The following TAFA1 variants were observed in gnomAD, a reference collection of about 807,000 sequenced individuals.
TAFA1 encodes TAFA chemokine like family member 1.
Under a neutral mutation model 18.5 loss-of-function variants are expected in TAFA1, and 4 were observed. That is an observed-to-expected ratio of 0.22 (90% CI 0.11 to 0.49). The LOEUF (loss-of-function observed/expected upper bound fraction) is 0.49, where lower values mean the gene tolerates loss of function less well. Ranked by LOEUF, TAFA1 falls within the 20% of genes least tolerant of loss-of-function variation. The pLI is 0.98. For missense variants in TAFA1, 147 were observed against 169.0 expected, an observed-to-expected ratio of 0.87 and a Z score of 0.72; for synonymous variants, 56 against 55.2, an observed-to-expected ratio of 1.01 and a Z score of -0.06.
At chr3:68,074,273 A>G (rs1008093440) in intron 2 of TAFA1, among the ~76,000 whole-genome samples, 23 of 152,090 alleles carry the variant, frequency 1.5e-4, no homozygotes, top group African/African-American at 5.3e-4. Flanking sequence ...ATGAAAATTC[A>G]CTTGCTCACC....
chr3:68,297,437 GA>G (rs1441956972), intron 2 of TAFA1, among the ~76,000 whole-genome samples: 2 of 152,126 alleles, frequency 1.3e-5, no homozygotes, highest in African/African-American at 2.4e-5. Flanking sequence ...CAAATTTGAT[GA>G]CAGAGACACC....
chr3:68,509,759 A>G (rs1379590528), intron 3 of TAFA1, among the ~76,000 whole-genome samples: 1 of 152,104 alleles, frequency 6.6e-6, no homozygotes, highest in African/African-American at 2.4e-5. Context: ...GTTTGGAGAG[A>G]ATTACACAAG....
intron 2 of TAFA1, among the ~76,000 whole-genome samples, chr3:68,372,364 G>T (rs1241724833): frequency 6.6e-6 from 1 of 152,130 alleles, no homozygotes; most frequent in Non-Finnish European, 1.5e-5. Context: ...GTACACGCAA[G>T]TAAAGACAAG....
At chr3:68,477,414 G>T (rs150744481) in intron 3 of TAFA1, among the ~76,000 whole-genome samples, 11 of 152,010 alleles carry the variant, frequency 7.2e-5, no homozygotes, top group Admixed American at 2.6e-4. Context: ...TGCTTTTGTC[G>T]CCCAGGCTGG....
intron 3 of TAFA1, among the ~76,000 whole-genome samples, chr3:68,483,995 C>T (rs768930756): frequency 6.6e-6 from 1 of 152,176 alleles, no homozygotes; most frequent in Non-Finnish European, 1.5e-5. Flanking sequence ...TAACACTGTC[C>T]AATGACAATA....
At chr3:68,011,697 A>C (rs1180079458) in intron 2 of TAFA1, among the ~76,000 whole-genome samples, 2 of 152,198 alleles carry the variant, frequency 1.3e-5, no homozygotes, top group African/African-American at 4.8e-5. Flanking sequence ...TACCAGTGCT[A>C]GGCTGCTAAA....
chr3:68,415,487 A>G lies in TAFA1; in HGVS notation c.119-1793A>G, dbSNP rs147879628. On this transcript the variant is annotated intron_variant, in intron 2 of 4. Transcript: ENST00000478136. ...TAACTGGCAAAATCATTTGTGTTGG[A>G]GTGAGGAGGTTGGAGGGATGGGAGG... Among the ~76,000 whole-genome samples, 394 of 152,250 alleles carry G rather than the reference A, an allele frequency of 2.6e-3. 3 individuals carry two copies. The highest frequency in any genetic ancestry group is 8.4e-3 in the African/African-American group (351 of 41,544).
chr3:68,035,069 T>A (rs1215008029), intron 2 of TAFA1, among the ~76,000 whole-genome samples: 2 of 152,172 alleles, frequency 1.3e-5, no homozygotes, highest in African/African-American at 4.8e-5. Flanking sequence ...CTTTACCATG[T>A]CACCACTTTG....
intron 3 of TAFA1, among the ~76,000 whole-genome samples, chr3:68,493,138 A>T (rs1050795957): frequency 5.9e-5 from 9 of 152,178 alleles, no homozygotes; most frequent in Admixed American, 5.9e-4. Context: ...TTTAAACAAC[A>T]ACTCCCCTTT....
chr3:68,462,599 A>C (rs2071805239), intron 3 of TAFA1, among the ~76,000 whole-genome samples: 1 of 152,196 alleles, frequency 6.6e-6, no homozygotes, highest in African/African-American at 2.4e-5. Flanking sequence ...ATTCCAGATA[A>C]ATTCTATAGA....
At chr3:68,429,197 C>T (rs915785415) in intron 3 of TAFA1, among the ~76,000 whole-genome samples, 1 of 151,864 alleles carries the variant, frequency 6.6e-6, no homozygotes, top group East Asian at 1.9e-4. Flanking sequence ...TTAAGTCTGT[C>T]CATGTCACCT....
At chr3:68,250,104 A>G (rs2067163840) in intron 2 of TAFA1, among the ~76,000 whole-genome samples, 2 of 152,172 alleles carry the variant, frequency 1.3e-5, no homozygotes, top group Admixed American at 1.3e-4. Flanking sequence ...GAGTAACTAT[A>G]CGCTCTCATC....
At chr3:68,541,438 T>C (rs933537969) in intron 4 of TAFA1, among the ~76,000 whole-genome samples, 2 of 152,204 alleles carry the variant, frequency 1.3e-5, no homozygotes. Flanking sequence ...TTCTACATCT[T>C]ATGTATTCTT....
intron 2 of TAFA1, among the ~76,000 whole-genome samples, chr3:68,225,924 A>G (rs902721): frequency 0.68 from 103,226 of 151,824 alleles, 35,309 homozygotes; most frequent in Middle Eastern, 0.81. Flanking sequence ...TTTGAAAACC[A>G]TCAATATGGA....
Position 68,514,678 on chromosome 3 carries a change from C to T in TAFA1, c.260-24078C>T, listed in dbSNP as rs574118867. 9.3e-5 allele frequency among the ~76,000 whole-genome samples: 14 copies of T among 150,376 alleles called. No homozygotes were observed. The South Asian group carries it at 2.7e-3, about 29-fold the overall frequency. ...TCAGTAGTAATAAAAATGCTACCAA[C>T]AGGCCTAGTTTTATATAACACCAGG... On this transcript the variant is annotated intron_variant, in intron 3 of 4. Transcript: ENST00000478136.
At chr3:68,051,794 T>G (rs2064474049) in intron 2 of TAFA1, among the ~76,000 whole-genome samples, 1 of 150,168 alleles carries the variant, frequency 6.7e-6, no homozygotes. Flanking sequence ...GTGAGAAGTG[T>G]TTTTTTTTAA....
chr3:68,072,672 A>T (rs1178841485), intron 2 of TAFA1, among the ~76,000 whole-genome samples: 1 of 152,158 alleles, frequency 6.6e-6, no homozygotes, highest in African/African-American at 2.4e-5. Context: ...AATTAGGTGA[A>T]TGGTGACACC....
intron 2 of TAFA1, among the ~76,000 whole-genome samples, chr3:68,238,568 A>G (rs1171312586): frequency 6.6e-6 from 1 of 152,186 alleles, no homozygotes; most frequent in Non-Finnish European, 1.5e-5. Context: ...GATGATGACA[A>G]CTTGGTAGGG....
At chr3:68,043,152 G>A (rs1186016716) in intron 2 of TAFA1, among the ~76,000 whole-genome samples, 1 of 152,152 alleles carries the variant, frequency 6.6e-6, no homozygotes, top group East Asian at 1.9e-4. Context: ...GAATACAGGT[G>A]TGAGCCACCG....
Sources: allele counts gnomAD v4.1 joint callset (sites outside exome capture counted in the v4.1 genomes callset), GRCh38; gene constraint gnomAD v4.1.1; transcripts MANE v1.5; gene names NCBI Gene and HGNC (gene_info 2026-07-23, HGNC 2026-07-21).